COP1: variants seen among roughly 807,000 people sequenced by gnomAD.
COP1 encodes E3 ubiquitin-protein ligase COP1.
Under a neutral mutation model 101.3 loss-of-function variants are expected in COP1, and 24 were observed. The observed-to-expected ratio is 0.24, with a 90% CI of 0.17 to 0.33. COP1 has a LOEUF of 0.33. Ranked by LOEUF, COP1 falls within the 10% of genes least tolerant of loss-of-function variation. COP1 has a pLI of 1.00. For synonymous variants in COP1, 347 were observed against 341.9 expected (o/e 1.01, Z -0.17); for missense variants, 663 against 906.2 (o/e 0.73, Z 3.45).
At chr1:175,947,730 G>C (rs1649366742) in intron 18 of COP1, among the ~76,000 whole-genome samples, 1 of 152,088 alleles carries the variant, frequency 6.6e-6, no homozygotes, top group Non-Finnish European at 1.5e-5. Context: ...ATATTTTGAA[G>C]TGTAAGTTTT....
chr1:176,045,547 C>A (rs1247297412), intron 12 of COP1, among the ~76,000 whole-genome samples: 1 of 145,046 alleles, frequency 6.9e-6, no homozygotes, highest in Non-Finnish European at 1.5e-5. Flanking sequence ...AAAGCCAGTG[C>A]TCATGAGAAC....
intron 15 of COP1, among the ~76,000 whole-genome samples, chr1:176,005,927 C>T (rs1445631694): frequency 1.3e-5 from 2 of 152,090 alleles, no homozygotes; most frequent in Non-Finnish European, 2.9e-5. Flanking sequence ...TCTCGTTGAT[C>T]TGTCTAATGT....
At chr1:176,051,086 G>A (rs891998903) in intron 11 of COP1, among the ~76,000 whole-genome samples, 1 of 152,056 alleles carries the variant, frequency 6.6e-6, no homozygotes, top group African/African-American at 2.4e-5. Context: ...TAGCCTCACC[G>A]GTTTTATAAT....
At chr1:175,957,282 G>C (rs902096766) in intron 18 of COP1, among the ~76,000 whole-genome samples, 1 of 151,282 alleles carries the variant, frequency 6.6e-6, no homozygotes, top group Non-Finnish European at 1.5e-5. Flanking sequence ...ACTCCACCAA[G>C]CTCCATTCAT....
chr1:175,951,814 G>A lies in COP1; in HGVS notation c.2134-4575C>T, dbSNP rs141026995. On this transcript the variant is annotated intron_variant, in intron 18 of 19. Transcript: ENST00000367669. ...GATTAGCATCTCAGTGACCTATTGGGCAATATGCAACCTAATAAATGTATA... is the reference window on the plus strand; with the variant it reads ...GATTAGCATCTCAGTGACCTATTGGACAATATGCAACCTAATAAATGTATA... Among the ~76,000 whole-genome samples, 397 of 152,112 alleles carry A rather than the reference G, an allele frequency of 2.6e-3. 3 individuals carry two copies. Among genetic ancestry groups the A allele is most frequent in the African/African-American group, 9.1e-3 (379 of 41,522 alleles).
At chr1:176,059,585 T>A (rs7534948) in intron 11 of COP1, among the ~76,000 whole-genome samples, 1 of 151,746 alleles carries the variant, frequency 6.6e-6, no homozygotes, top group Non-Finnish European at 1.5e-5. Flanking sequence ...TGGGTTCAAG[T>A]GATTCTCCTG....
chr1:176,090,231 C>T (rs1351872265), intron 9 of COP1, among the ~76,000 whole-genome samples: 1 of 152,090 alleles, frequency 6.6e-6, no homozygotes, highest in Admixed American at 6.5e-5. Flanking sequence ...GCCTGCTGTC[C>T]TGCCTTTCCA....
chr1:176,040,356 T>C (rs759525154), intron 14 of COP1, among the ~76,000 whole-genome samples: 4 of 151,962 alleles, frequency 2.6e-5, no homozygotes, highest in Non-Finnish European at 5.9e-5. Context: ...TGCTCTGTCA[T>C]CCAAGCTGGA....
intron 14 of COP1, among the ~76,000 whole-genome samples, chr1:176,035,543 A>G (rs1200979316): frequency 6.6e-6 from 1 of 152,048 alleles, no homozygotes; most frequent in African/African-American, 2.4e-5. Context: ...TTATATATTA[A>G]CAAATGATTC....
intron 6 of COP1, among the ~76,000 whole-genome samples, chr1:176,147,272 A>G (rs1014687804): frequency 5.9e-5 from 9 of 152,180 alleles, no homozygotes; most frequent in African/African-American, 2.2e-4. Flanking sequence ...GTCTGCACTA[A>G]AACATATTTT....
chr1:176,006,075 C>G (rs1451631469), intron 15 of COP1, among the ~76,000 whole-genome samples: 1 of 152,138 alleles, frequency 6.6e-6, no homozygotes, highest in Non-Finnish European at 1.5e-5. Flanking sequence ...GCTCTTCCTG[C>G]TGAATTGATC....
At chr1:176,092,923 C>T (rs1439312287) in intron 9 of COP1, among the ~76,000 whole-genome samples, 2 of 152,076 alleles carry the variant, frequency 1.3e-5, no homozygotes, top group Non-Finnish European at 2.9e-5. Flanking sequence ...GCAAGAACAA[C>T]AAAAACCCTA....
At chr1:176,099,739 C>G (rs374411905) in intron 9 of COP1, among the ~76,000 whole-genome samples, 1 of 152,108 alleles carries the variant, frequency 6.6e-6, no homozygotes. Context: ...CCAATAAAAG[C>G]CCCTTGGGAA....
intron 14 of COP1, among the ~76,000 whole-genome samples, chr1:176,028,308 T>A (rs955812781): frequency 6.6e-6 from 1 of 151,984 alleles, no homozygotes; most frequent in Admixed American, 6.6e-5. Flanking sequence ...CTCATGACTG[T>A]AATCACAGCA....
At chr1:175,960,455 C>T (rs1161550060) in intron 18 of COP1, among the ~76,000 whole-genome samples, 1 of 152,098 alleles carries the variant, frequency 6.6e-6, no homozygotes, top group Non-Finnish European at 1.5e-5. Context: ...GGGAAAATTG[C>T]TTCTGGCTTA....
chr1:176,131,154 G>A (rs542921360), intron 8 of COP1, among the ~76,000 whole-genome samples: 11 of 151,886 alleles, frequency 7.2e-5, no homozygotes, highest in South Asian at 6.2e-4. Context: ...AGGCAATTAC[G>A]GAGGGTTATG....
At chr1:176,198,470 G>A (rs1699932925) in intron 1 of COP1, among the ~76,000 whole-genome samples, 1 of 152,084 alleles carries the variant, frequency 6.6e-6, no homozygotes, top group African/African-American at 2.4e-5. Context: ...ACTTGAAGTG[G>A]ATCATAACCA....
intron 9 of COP1, among the ~76,000 whole-genome samples, chr1:176,107,364 C>T (rs939491798): frequency 1.3e-5 from 2 of 151,968 alleles, no homozygotes; most frequent in African/African-American, 4.8e-5. Flanking sequence ...CAAGACTATT[C>T]CAGGACTGGA....
At chr1:176,144,572 A>G (rs1291852386) in intron 6 of COP1, among the ~76,000 whole-genome samples, 8 of 152,156 alleles carry the variant, frequency 5.3e-5, no homozygotes, top group African/African-American at 1.9e-4. Flanking sequence ...GTACTAGCTG[A>G]TTCTAAAATT....
Sources: allele counts gnomAD v4.1 joint callset (sites outside exome capture counted in the v4.1 genomes callset), GRCh38; gene constraint gnomAD v4.1.1; transcripts MANE v1.5; gene names NCBI Gene and HGNC (gene_info 2026-07-23, HGNC 2026-07-21).